CHD2: variants seen among roughly 807,000 people sequenced by gnomAD.
The protein encoded by CHD2 is chromodomain helicase DNA binding protein 2.
In CHD2, 28 loss-of-function variants were observed where a neutral mutation model predicts 243.9. The ratio of observed to expected loss-of-function variants is 0.11; its 90% CI spans 0.09 to 0.16. CHD2 has a LOEUF of 0.16. Ranked by LOEUF, CHD2 falls within the 10% of genes least tolerant of loss-of-function variation. The pLI, the probability that CHD2 is intolerant of heterozygous loss-of-function variation, is 1.00. For missense variants in CHD2, 1,386 were observed against 2,209.8 expected (o/e 0.63, Z 7.47); for synonymous variants, 775 against 779.0 (o/e 0.99, Z 0.09).
At chr15:92,931,782 A>G (rs753248580) in intron 5 of CHD2, among the ~76,000 whole-genome samples, 4 of 151,716 alleles carry the variant, frequency 2.6e-5, no homozygotes, top group Non-Finnish European at 5.9e-5. Context: ...TGTAAGGTGT[A>G]TTTCTTAAAA....
chr15:92,904,983 T>C (rs866118141), intron 2 of CHD2: 1 of 1,536,110 alleles, frequency 6.5e-7, no homozygotes. Context: ...ATTTTCTCAG[T>C]TGGCATTTGA....
chr15:92,947,940 A>C (rs1399896083), intron 12 of CHD2, among the ~76,000 whole-genome samples: 1 of 152,228 alleles, frequency 6.6e-6, no homozygotes, highest in Non-Finnish European at 1.5e-5. Context: ...CTTTTTGGCC[A>C]TGTAACTTTG....
intron 5 of CHD2, among the ~76,000 whole-genome samples, chr15:92,934,837 C>G (rs1051786706): frequency 3.3e-5 from 5 of 152,094 alleles, no homozygotes; most frequent in African/African-American, 1.2e-4. Context: ...TTGAGTTTTT[C>G]AAATACTCCC....
intron 34 of CHD2, among the ~76,000 whole-genome samples, chr15:93,006,973 T>G (rs532113094): frequency 6.6e-6 from 1 of 152,250 alleles, no homozygotes; most frequent in Non-Finnish European, 1.5e-5. Context: ...TTTTTCCAAA[T>G]GTTTGCTACT....
At chr15:92,938,791 G>A (rs567672309) in intron 6 of CHD2, among the ~76,000 whole-genome samples, 2 of 152,202 alleles carry the variant, frequency 1.3e-5, no homozygotes, top group African/African-American at 4.8e-5. Context: ...GGAATATTTG[G>A]GGATTTCCTT....
In CHD2 at chr15:92,997,209, A is replaced by G. The variant is rs377259759; in HGVS notation, c.3735-44A>G. On this transcript the variant is annotated intron_variant, in intron 29 of 38. Transcript: ENST00000394196. The surrounding 1 kb of genome is among the most constrained non-coding windows in gnomAD (Gnocchi z 4.1). ...ACTGTCTCTTCTTTAACATACCAAA[A>G]AGGCCCCTCTTCTAATGTCTTCCTG... 1.1e-4 allele frequency: 180 copies of G among 1,611,000 alleles called. No homozygotes were observed. The highest frequency in any genetic ancestry group is 1.5e-4 in the Non-Finnish European group (176 of 1,179,132).
At position 92,915,385 on chromosome 15, in the gene CHD2, C is replaced by G. The variant is rs374091653; in HGVS notation, c.63-8936C>G. ...CGCCTCCCGGGTTCACGCCATTCTG[C>G]TGCCTCAGCCTCCCGAGTAGCTGGG... is the stretch of plus-strand genomic sequence containing the variant. On this transcript the variant is annotated intron_variant, in intron 2 of 38. Transcript: ENST00000394196. Among the ~76,000 whole-genome samples, 494 of 152,210 alleles carry G rather than the reference C, an allele frequency of 3.2e-3. 4 individuals carry two copies. The highest frequency in any genetic ancestry group is 0.011 in the African/African-American group (466 of 41,510).
At chr15:92,973,121 C>T (rs60641649) in intron 19 of CHD2, among the ~76,000 whole-genome samples, 1 of 152,152 alleles carries the variant, frequency 6.6e-6, no homozygotes, top group Non-Finnish European at 1.5e-5. Context: ...GACATTCCCC[C>T]CAAAAGTTGA....
At chr15:93,006,637 G>A (rs2054325820) in intron 34 of CHD2, among the ~76,000 whole-genome samples, 1 of 152,190 alleles carries the variant, frequency 6.6e-6, no homozygotes. Context: ...TTAAAAATAA[G>A]GTGAAGAGAG....
chr15:92,990,604 T>A (rs1318074369), intron 26 of CHD2, among the ~76,000 whole-genome samples: 1 of 152,216 alleles, frequency 6.6e-6, no homozygotes, highest in Non-Finnish European at 1.5e-5. Flanking sequence ...TATAATACTT[T>A]CCTAACCTTT....
At chr15:93,020,599 A>G in intron 38 of CHD2, 2 of 504,812 alleles carry the variant, frequency 4.0e-6, no homozygotes, top group Non-Finnish European at 7.1e-6. Flanking sequence ...CGAGATGGGT[A>G]CCAGCCCACA....
chr15:93,015,520 G>A (rs2054448539), intron 37 of CHD2, among the ~76,000 whole-genome samples: 1 of 150,824 alleles, frequency 6.6e-6, no homozygotes, highest in Non-Finnish European at 1.5e-5. Flanking sequence ...TGTAAATTGA[G>A]AACAAAACAA....
At chr15:92,932,746 G>A (rs1432430762) in intron 5 of CHD2, among the ~76,000 whole-genome samples, 7 of 152,000 alleles carry the variant, frequency 4.6e-5, no homozygotes, top group South Asian at 2.1e-4. Flanking sequence ...CAATTACCCC[G>A]TCACGATTTG....
chr15:93,009,021 A>G (rs370643039), intron 34 of CHD2, 124 bp from the exon 35 acceptor site: 3 of 1,097,800 alleles, frequency 2.7e-6, no homozygotes, highest in East Asian at 2.6e-5. Context: ...AGCTTTACCC[A>G]CTCTTCCTCT....
In CHD2 at chr15:92,981,445, A is replaced by G. The variant is rs1203986208; in HGVS notation, c.3054A>G (p.Leu1018=). ...CAACAAGTGCAACAGATGAACTTCT[A>G]TCACAGTTTAAGGTATGAAGATCTT... The part of the protein sequence containing the change: ...EVSTSATDEL[L]SQFKVANFAT... The change falls in exon 24 of 39, where the codon CTA becomes CTG. Residue 1018 remains leucine (L), a synonymous_variant. Transcript: ENST00000394196. 11 of 1,612,894 alleles carry G rather than the reference A, an allele frequency of 6.8e-6. No homozygotes were observed. Among genetic ancestry groups the G allele is most frequent in the Admixed American group, 3.3e-5 (2 of 59,988 alleles).
chr15:92,970,348 T>C lies in CHD2; in HGVS notation c.2190-1417T>C, dbSNP rs145734190. Among the ~76,000 whole-genome samples, 58 of 152,214 alleles carry C rather than the reference T, an allele frequency of 3.8e-4. No homozygotes were observed. In the East Asian group the frequency reaches 9.7e-3, roughly 25 times the overall value. ...TCCCGACTAGCTGGGATTACAGGCA[T>C]GCACCAGTACGCCCAGCTAATTTTG... On this transcript the variant is annotated intron_variant, in intron 17 of 38. Coordinates refer to ENST00000394196, the MANE Select transcript of CHD2 (RefSeq NM_001271.4).
chr15:92,998,517 G>C lies in CHD2; in HGVS notation c.3904G>C (p.Asp1302His), dbSNP rs777800423. The C allele has an allele frequency of 2.5e-6, 4 of 1,614,000 alleles. No homozygotes were observed. The highest frequency in any genetic ancestry group is 3.4e-6 in the Non-Finnish European group (4 of 1,179,968). The change falls in exon 31 of 39, where the codon GAT becomes CAT. Residue 1302 changes from aspartate (D) to histidine (H), a missense_variant. Around this residue, in one of 19 missense-constraint regions of CHD2, gnomAD observed 99 missense variants for 176.9 expected, o/e 0.56. Coordinates refer to ENST00000394196, the MANE Select transcript of CHD2 (RefSeq NM_001271.4). The surrounding 1 kb of genome is among the most constrained non-coding windows in gnomAD (Gnocchi z 5.1). ...LTDKILPVET[D>H]KKPQGKQLQT... Reference sequence around the variant, plus strand: ...GTTGAAGATTCTGCCGGTGGAGACAGATAAAAAGCCTCAGGGGAAGCAGCT... The same window carrying C: ...GTTGAAGATTCTGCCGGTGGAGACACATAAAAAGCCTCAGGGGAAGCAGCT...
rs1289728915 is a variant in CHD2, at chr15:92,998,125, A to G, written c.3886-374A>G. The G allele has an allele frequency of 1.0e-6, 1 of 975,220 alleles. No individual in the cohort carries two copies. Among genetic ancestry groups the G allele is most frequent in the Non-Finnish European group, 1.2e-6 (1 of 813,344 alleles). 60.4% of individuals were successfully genotyped at this position (975,220 alleles called of 1,614,324 possible). ...GGCAATGCTCTAAGAAGCATTTTCA[A>G]TCTAAAACGAAGCTTTAACCTAGCT... On this transcript the variant is annotated intron_variant, in intron 30 of 38. Coordinates refer to ENST00000394196, the MANE Select transcript of CHD2 (RefSeq NM_001271.4). The surrounding 1 kb of genome is among the most constrained non-coding windows in gnomAD (Gnocchi z 5.1).
At chr15:93,020,641 A>G in intron 38 of CHD2, 1 of 371,376 alleles carries the variant, frequency 2.7e-6, no homozygotes, top group Non-Finnish European at 4.9e-6. Flanking sequence ...ATAATTGAAG[A>G]GTCAAAGTCT....
Sources: allele counts gnomAD v4.1 joint callset (sites outside exome capture counted in the v4.1 genomes callset), GRCh38; gene constraint gnomAD v4.1.1; regional missense constraint gnomAD v4.1.1; non-coding constraint Gnocchi (gnomAD v3.1); transcripts MANE v1.5; gene names NCBI Gene and HGNC (gene_info 2026-07-23, HGNC 2026-07-21).